The following MFN1 variants were observed in gnomAD, a reference collection of about 807,000 sequenced individuals.
The protein encoded by MFN1 is mitofusin 1, also known as mitofusin-1.
A neutral mutation model predicts 92.4 loss-of-function variants in MFN1; 65 were observed. The ratio of observed to expected loss-of-function variants is 0.70; its 90% confidence interval spans 0.58 to 0.86. The LOEUF (loss-of-function observed/expected upper bound fraction) is 0.86, where lower values mean the gene tolerates loss of function less well. MFN1 is among the 40% of genes least tolerant of loss of function. The pLI is 0.00. For missense variants in MFN1, 781 were observed against 868.0 expected, an observed-to-expected ratio of 0.90 and a Z score of 1.26; for synonymous variants, 297 against 300.9, an observed-to-expected ratio of 0.99 and a Z score of 0.13.
At chr3:179,383,088 C>A (rs2108554452) in intron 14 of MFN1, among the ~76,000 whole-genome samples, 1 of 152,244 alleles carries the variant, frequency 6.6e-6, no homozygotes, top group Non-Finnish European at 1.5e-5. Context: ...TCCCATTTGT[C>A]AATTTTGGCT....
At chr3:179,378,107 C>A in intron 12 of MFN1, 2 of 480,588 alleles carry the variant, frequency 4.2e-6, no homozygotes, top group South Asian at 2.7e-5. Context: ...TTCTATAGTC[C>A]CAGTTACTCA....
At chr3:179,384,763 G>A (rs1481940115) in intron 14 of MFN1, among the ~76,000 whole-genome samples, 2 of 152,142 alleles carry the variant, frequency 1.3e-5, no homozygotes, top group Non-Finnish European at 2.9e-5. Flanking sequence ...TCAAACTCCT[G>A]GTCTCAAGCT....
At chr3:179,374,755 C>G (rs894945268) in intron 9 of MFN1, among the ~76,000 whole-genome samples, 4 of 152,134 alleles carry the variant, frequency 2.6e-5, no homozygotes. Context: ...AGCAAACTTA[C>G]AGGAATCATT....
intron 11 of MFN1, 41 bp downstream of exon 11, chr3:179,377,209 A>G: frequency 6.3e-7 from 1 of 1,586,054 alleles, no homozygotes; most frequent in Non-Finnish European, 8.6e-7. Flanking sequence ...ACCTGGATGG[A>G]AATTATTTTT....
At chr3:179,370,662 G>T (rs955293017) in intron 9 of MFN1, among the ~76,000 whole-genome samples, 2 of 152,010 alleles carry the variant, frequency 1.3e-5, no homozygotes, top group Non-Finnish European at 2.9e-5. Context: ...CACCCGCCTT[G>T]GCCTCCCAAA....
At chr3:179,359,977 G>T (rs116226990) in intron 4 of MFN1, 26,270 of 151,856 alleles carry the variant, frequency 0.17, 2,331 homozygotes, top group Admixed American at 0.24. Flanking sequence ...GGAGTGCAAT[G>T]GCACGATATT....
In MFN1 at chr3:179,365,167, T is replaced by C; in HGVS notation, c.695T>C (p.Ile232Thr). ...KVNERLSKPNIFILNNRWDAS... is the reference protein window; with the variant it reads ...KVNERLSKPNTFILNNRWDAS... ...AATGAGCGGCTTTCCAAGCCTAATA[T>C]TTTCATTCTCAATAATCGTTGGGAT... The change falls in exon 7 of 18, where the codon ATT (isoleucine) becomes ACT (threonine). Residue 232 changes from isoleucine to threonine, a missense_variant. Physicochemically the swap from Ile to Thr is moderately conservative, Grantham distance 89. Transcript: ENST00000471841. 1 of 1,558,046 alleles carries C rather than the reference T, an allele frequency of 6.4e-7. No individual in the cohort carries two copies. Among genetic ancestry groups the C allele is most frequent in the Non-Finnish European group, 8.6e-7 (1 of 1,161,178 alleles).
chr3:179,360,082 A>C (rs1712515548), intron 4 of MFN1, among the ~76,000 whole-genome samples: 1 of 151,396 alleles, frequency 6.6e-6, no homozygotes, highest in Admixed American at 6.6e-5. Context: ...CACCTGCCTA[A>C]TTTTTGTAAT....
At position 179,362,393 on chromosome 3, in the gene MFN1, C is replaced by T. The variant is rs376046290; in HGVS notation, c.447C>T (p.Asp149=). The T allele has an allele frequency of 1.9e-6, 3 of 1,612,912 alleles. No individual in the cohort carries two copies. In the African/African-American group the frequency reaches 4.0e-5, roughly 22 times the overall value. The change falls in exon 5 of 18, where the codon GAC becomes GAT. Residue 149 remains aspartate, a synonymous_variant. Transcript: ENST00000471841. ...AACTGGCCCATGCCCTTCACATGGA[C>T]AAAGATTTGAAAGCTGGCTGTCTTG... ...VNQLAHALHM[D]KDLKAGCLVR...
chr3:179,377,041 G>A lies in MFN1; in HGVS notation c.1098-1G>A, dbSNP rs1231346107. 1.2e-6 allele frequency: 2 copies of A among 1,613,022 alleles called. No homozygotes were observed. The highest frequency in any genetic ancestry group is 1.7e-6 in the Non-Finnish European group (2 of 1,179,676). On this transcript the variant is annotated splice_acceptor_variant, in intron 10 of 17. Coordinates refer to ENST00000471841, the MANE Select transcript of MFN1 (RefSeq NM_033540.3). LOFTEE classifies it high-confidence loss of function. ...GTTGATTACTCTTTATACTGAAATA[G>A]GCATTATTCAGTGGAAGAGAGGGAA... is the stretch of plus-strand genomic sequence containing the variant.
intron 9 of MFN1, among the ~76,000 whole-genome samples, chr3:179,369,189 C>G (rs1303097404): frequency 6.6e-6 from 1 of 150,934 alleles, no homozygotes; most frequent in Non-Finnish European, 1.5e-5. Flanking sequence ...TTTGCTTTCA[C>G]CAAAGGGTTG....
rs765032686 is a variant in MFN1 at position 179,378,347 on chromosome 3, A to C, written c.1336A>C (p.Asn446His). ...TATTTACCATTGTTAACAGGAATTA[A>C]ATAAGCACATAGAGGATGGTATGGG... The part of the protein sequence containing the change: ...DVLKIYKSEL[N>H]KHIEDGMGRN... Residue 446 changes from asparagine (N) to histidine (H), a missense_variant, in exon 13 of 18, where the codon AAT becomes CAT. Transcript: ENST00000471841. 25 of 1,588,306 alleles carry C rather than the reference A, an allele frequency of 1.6e-5. No individual in the cohort carries two copies. The highest frequency in any genetic ancestry group is 2.0e-5 in the Non-Finnish European group (23 of 1,171,474).
intron 1 of MFN1, chr3:179,348,188 C>T (rs1003372608): frequency 2.0e-5 from 3 of 152,396 alleles, no homozygotes; most frequent in Non-Finnish European, 2.9e-5. Context: ...AGCTCCTTCG[C>T]GCGGTCATTT....
chr3:179,365,236 A>ATTT lies in MFN1; in HGVS notation c.753+20_753+22dup. 2 of 1,196,716 alleles carry ATTT rather than the reference A, an allele frequency of 1.7e-6. No individual in the cohort carries two copies. Among genetic ancestry groups the ATTT allele is most frequent in the South Asian group, 1.7e-5 (1 of 58,534 alleles). The allele number at this position is 1,196,716 out of a possible 1,614,324, so 74.1% of individuals were successfully genotyped here. On this transcript the variant is annotated intron_variant, in intron 7 of 17. Transcript: ENST00000471841. ...GAATATATGGAAGACGTAAGTTGTTATTTTTTTTTTTGTAGGTTTTGAAAT... is the reference window on the plus strand; with the variant it reads ...GAATATATGGAAGACGTAAGTTGTTATTTTTTTTTTTTTTGTAGGTTTTGAAAT...
Position 179,364,410 on chromosome 3 carries a change from G to C in MFN1, c.645+5G>C, listed in dbSNP as rs1387696415. 2 of 1,577,150 alleles carry C rather than the reference G, an allele frequency of 1.3e-6. No individual in the cohort carries two copies. Among genetic ancestry groups the C allele is most frequent in the Non-Finnish European group, 1.7e-6 (2 of 1,147,598 alleles). On this transcript the variant is annotated splice_donor_5th_base_variant and intron_variant, in intron 6 of 17. Coordinates refer to ENST00000471841, the MANE Select transcript of MFN1 (RefSeq NM_033540.3). ...GAATCAACACTAATGAATACGGTAG[G>C]ATTTAATCATATTATTGTGTTTCGA...
intron 16 of MFN1, among the ~76,000 whole-genome samples, chr3:179,386,928 TC>T: frequency 6.6e-6 from 1 of 152,152 alleles, no homozygotes; most frequent in East Asian, 1.9e-4. Context: ...TAATTTTTTT[TC>T]TTTTTTTTCA....
At chr3:179,368,473 C>G (rs1207823971) in intron 9 of MFN1, among the ~76,000 whole-genome samples, 6 of 152,178 alleles carry the variant, frequency 3.9e-5, no homozygotes, top group Non-Finnish European at 8.8e-5. Flanking sequence ...TAAGCATTAT[C>G]CTTTTTTACT....
chr3:179,369,692 C>T (rs984080449), intron 9 of MFN1, among the ~76,000 whole-genome samples: 1 of 152,038 alleles, frequency 6.6e-6, no homozygotes, highest in Non-Finnish European at 1.5e-5. Context: ...CTATCCTATC[C>T]CCAACCCCAG....
intron 9 of MFN1, among the ~76,000 whole-genome samples, chr3:179,370,392 CTT>C (rs34938438): frequency 7.2e-4 from 63 of 88,078 alleles, no homozygotes; most frequent in East Asian, 7.1e-3. Context: ...TCACTAAGTT[CTT>C]TTTTTTTTTT....
Sources: gnomAD v4.1 joint callset for allele counts (sites outside exome capture counted in the v4.1 genomes callset) on GRCh38, gnomAD v4.1.1 for gene constraint, MANE v1.5 for transcripts, NCBI Gene and HGNC (gene_info 2026-07-23, HGNC 2026-07-21) for gene names.